Variants in MDGA2 observed in about 807,000 individuals in gnomAD.
MDGA2 encodes the protein MAM domain containing glycosylphosphatidylinositol anchor 2.
MDGA2 carries 40 observed loss-of-function variants against 117.8 expected under a neutral mutation model. That is an observed-to-expected ratio of 0.34 (90% CI 0.26 to 0.44). MDGA2 has a LOEUF of 0.44. MDGA2 is among the 20% of genes least tolerant of loss of function. The pLI is 1.00. For missense variants in MDGA2, 1,123 were observed against 1,250.6 expected, an observed-to-expected ratio of 0.90 and a Z score of 1.54; for synonymous variants, 452 against 439.0, an observed-to-expected ratio of 1.03 and a Z score of -0.37.
chr14:47,010,738 C>G (rs1008920161), intron 8 of MDGA2, among the ~76,000 whole-genome samples: 10 of 152,004 alleles, frequency 6.6e-5, no homozygotes, highest in Non-Finnish European at 1.3e-4. Flanking sequence ...ATGTAATTAA[C>G]ACAATGTGAA....
At chr14:47,307,693 A>G (rs984746374) in intron 1 of MDGA2, among the ~76,000 whole-genome samples, 1 of 150,222 alleles carries the variant, frequency 6.7e-6, no homozygotes, top group African/African-American at 2.5e-5. Flanking sequence ...GTGGGGGGGA[A>G]AAAAAAAGGC....
chr14:47,362,758 A>T (rs575573340), intron 1 of MDGA2, among the ~76,000 whole-genome samples: 20 of 152,004 alleles, frequency 1.3e-4, no homozygotes, highest in Non-Finnish European at 2.2e-4. Flanking sequence ...CTATTACTAC[A>T]CTCAAGATGG....
intron 8 of MDGA2, among the ~76,000 whole-genome samples, chr14:46,964,782 G>A (rs935669127): frequency 6.6e-6 from 1 of 151,942 alleles, no homozygotes; most frequent in Non-Finnish European, 1.5e-5. Context: ...AGTTATATTT[G>A]TATTTGCCTA....
At chr14:47,317,898 C>T (rs1889856661) in intron 1 of MDGA2, among the ~76,000 whole-genome samples, 1 of 152,040 alleles carries the variant, frequency 6.6e-6, no homozygotes, top group Admixed American at 6.6e-5. Context: ...TAAATATATC[C>T]CAATATATCC....
At position 46,964,172 on chromosome 14, in the gene MDGA2, T is replaced by C. The variant is rs114074270; in HGVS notation, c.1820-6529A>G. On this transcript the variant is annotated intron_variant, in intron 8 of 16. Coordinates refer to ENST00000399232, the MANE Select transcript of MDGA2 (RefSeq NM_001113498.3). ...CATGTGAAGAGGCCCAGAGACAATA[T>C]GGAGAAGGAGAGGGCAGAGTTTAGC... 6.0e-3 allele frequency among the ~76,000 whole-genome samples: 913 copies of C among 152,190 alleles called. 2 individuals carry two copies. The highest frequency in any genetic ancestry group is 0.018 in the East Asian group (94 of 5,180).
chr14:47,644,432 G>A (rs1477058611), intron 1 of MDGA2, among the ~76,000 whole-genome samples: 1 of 152,062 alleles, frequency 6.6e-6, no homozygotes, highest in Non-Finnish European at 1.5e-5. Flanking sequence ...TGAATCTGTA[G>A]GACATGAAGT....
At chr14:47,301,935 A>T (rs1171801573) in intron 1 of MDGA2, among the ~76,000 whole-genome samples, 1 of 152,164 alleles carries the variant, frequency 6.6e-6, no homozygotes, top group Non-Finnish European at 1.5e-5. Flanking sequence ...ATTGGAGGAG[A>T]AAAGGGAATT....
intron 7 of MDGA2, among the ~76,000 whole-genome samples, chr14:47,054,927 T>G (rs1889615011): frequency 6.6e-6 from 1 of 151,814 alleles, no homozygotes; most frequent in Admixed American, 6.6e-5. Context: ...CTAAGCTTTC[T>G]GTATCTTTTT....
chr14:47,458,074 C>T (rs750930235), intron 1 of MDGA2, among the ~76,000 whole-genome samples: 15 of 151,136 alleles, frequency 9.9e-5, no homozygotes, highest in Non-Finnish European at 2.2e-4. Flanking sequence ...TACCTGCTGG[C>T]CATTTGTAAG....
intron 6 of MDGA2, among the ~76,000 whole-genome samples, chr14:47,074,467 A>AT (rs1389573282): frequency 2.0e-5 from 3 of 151,818 alleles, no homozygotes; most frequent in Non-Finnish European, 4.4e-5. Flanking sequence ...CGCCCGGCTA[A>AT]TTTTTTCTAT....
intron 1 of MDGA2, among the ~76,000 whole-genome samples, chr14:47,408,265 AGGAT>A (rs1892301842): frequency 6.6e-6 from 1 of 152,086 alleles, no homozygotes; most frequent in Non-Finnish European, 1.5e-5. Context: ...CATGTTGGCC[AGGAT>A]GGTCTCTATC....
chr14:47,547,288 C>G (rs1214750822), intron 1 of MDGA2, among the ~76,000 whole-genome samples: 1 of 152,224 alleles, frequency 6.6e-6, no homozygotes, highest in East Asian at 1.9e-4. Flanking sequence ...TTGCAGTCAT[C>G]AGTTGCCACA....
At chr14:47,173,751 A>C (rs907923607) in intron 3 of MDGA2, among the ~76,000 whole-genome samples, 2 of 152,206 alleles carry the variant, frequency 1.3e-5, no homozygotes, top group African/African-American at 2.4e-5. Flanking sequence ...CTAACGAGCA[A>C]AATAACCAGC....
intron 3 of MDGA2, among the ~76,000 whole-genome samples, chr14:47,217,565 C>T (rs906257237): frequency 6.6e-6 from 1 of 151,274 alleles, no homozygotes; most frequent in African/African-American, 2.4e-5. Flanking sequence ...CATTTACAGG[C>T]CAATTCATAA....
intron 1 of MDGA2, among the ~76,000 whole-genome samples, chr14:47,594,028 G>A (rs1896490892): frequency 6.6e-6 from 1 of 152,146 alleles, no homozygotes; most frequent in Non-Finnish European, 1.5e-5. Context: ...TAGCAAAACT[G>A]TAGAAGTGCT....
intron 8 of MDGA2, among the ~76,000 whole-genome samples, chr14:46,976,947 C>A (rs962801322): frequency 1.3e-5 from 2 of 151,798 alleles, no homozygotes; most frequent in African/African-American, 4.8e-5. Flanking sequence ...TGTAAACATA[C>A]CATTTTATAT....
intron 1 of MDGA2, among the ~76,000 whole-genome samples, chr14:47,351,739 T>A (rs553306736): frequency 6.6e-6 from 1 of 152,170 alleles, no homozygotes; most frequent in Non-Finnish European, 1.5e-5. Flanking sequence ...GATTTGCTAA[T>A]GGATATGGAG....
intron 1 of MDGA2, among the ~76,000 whole-genome samples, chr14:47,543,117 G>A (rs1895385801): frequency 6.6e-6 from 1 of 152,076 alleles, no homozygotes; most frequent in Non-Finnish European, 1.5e-5. Context: ...AGCTGAGGTG[G>A]GGCAATCACT....
intron 7 of MDGA2, 43 bp downstream of exon 7, chr14:47,061,206 C>A: frequency 6.5e-7 from 1 of 1,535,294 alleles, no homozygotes; most frequent in Non-Finnish European, 8.9e-7. Flanking sequence ...TTCAATCATT[C>A]TAAATGTGAA....
Sources: allele counts gnomAD v4.1 joint callset (sites outside exome capture counted in the v4.1 genomes callset), GRCh38; gene constraint gnomAD v4.1.1; transcripts MANE v1.5; gene names NCBI Gene and HGNC (gene_info 2026-07-23, HGNC 2026-07-21).